Variants in SOAT1 observed in about 807,000 individuals in gnomAD.
SOAT1 encodes the protein sterol O-acyltransferase 1.
In SOAT1, 55 loss-of-function variants were observed where a neutral mutation model predicts 69.5. That is an observed-to-expected ratio of 0.79 (90% CI 0.64 to 0.99). The LOEUF is 0.99. Among genes scored for constraint, SOAT1 ranks in the 50% least tolerant of loss-of-function variants. SOAT1 has a pLI of 0.00. For missense variants in SOAT1, 580 were observed against 669.3 expected (o/e 0.87, Z 1.47); for synonymous variants, 231 against 224.7 (o/e 1.03, Z -0.25).
intron 2 of SOAT1, among the ~76,000 whole-genome samples, chr1:179,312,985 CA>C (rs1665269159): frequency 6.6e-6 from 1 of 152,184 alleles, no homozygotes; most frequent in African/African-American, 2.4e-5. Flanking sequence ...GTCTGATACT[CA>C]GGTCCATTTT....
rs1372505483 is a variant in SOAT1 at position 179,293,856 on chromosome 1, A to G, written c.-89A>G. ...GCGCCAGGAGAGCTTCCCGGAGTCG[A>G]CCTTCCTGCTGGCTGCTCTGTGACC... On this transcript the variant is annotated 5_prime_UTR_variant, in exon 1 of 16. Coordinates refer to ENST00000367619, the MANE Select transcript of SOAT1 (RefSeq NM_003101.6). 6.6e-6 allele frequency: 1 copy of G among 152,420 alleles called. No individual in the cohort carries two copies. Among genetic ancestry groups the G allele is most frequent in the East Asian group, 1.9e-4 (1 of 5,190 alleles). The allele number at this position is 152,420 out of a possible 1,614,324, so 9.4% of individuals were successfully genotyped here. A position where few individuals can be genotyped will look rare whatever the true frequency, so the allele number is the denominator to read the frequency against.
At position 179,343,004 on chromosome 1, in the gene SOAT1, G is replaced by A; in HGVS notation, c.941+61G>A. The A allele has an allele frequency of 9.0e-6, 12 of 1,334,556 alleles. No homozygotes were observed. In the South Asian group the frequency reaches 1.2e-4, roughly 13 times the overall value. The allele number at this position is 1,334,556 out of a possible 1,614,324, so 82.7% of individuals were successfully genotyped here. On this transcript the variant is annotated intron_variant, in intron 9 of 15. Coordinates refer to ENST00000367619, the MANE Select transcript of SOAT1 (RefSeq NM_003101.6). The stretch of plus-strand genomic sequence containing the variant: ...CAAAAGTGTGGCATGAGTGAGGTGG[G>A]ATAGGTAAACAGGGGCCAGTTCATG...
At chr1:179,317,741 G>C (rs2124956575) in intron 2 of SOAT1, among the ~76,000 whole-genome samples, 1 of 150,132 alleles carries the variant, frequency 6.7e-6, no homozygotes, top group Non-Finnish European at 1.5e-5. Context: ...ACTTATCTGT[G>C]TAGGTCTGTG....
chr1:179,325,673 C>T (rs1558047328), intron 3 of SOAT1, among the ~76,000 whole-genome samples: 1 of 152,072 alleles, frequency 6.6e-6, no homozygotes, highest in South Asian at 2.1e-4. Context: ...TATCATTCCT[C>T]TATTTAAAAA....
intron 2 of SOAT1, among the ~76,000 whole-genome samples, chr1:179,322,084 T>C (rs895625035): frequency 1.3e-5 from 2 of 151,948 alleles, no homozygotes; most frequent in Non-Finnish European, 2.9e-5. Flanking sequence ...GGGGTCTTGC[T>C]ATGTTGTCCA....
intron 2 of SOAT1, among the ~76,000 whole-genome samples, chr1:179,309,995 G>A (rs1665166639): frequency 1.3e-5 from 2 of 152,032 alleles, no homozygotes; most frequent in African/African-American, 4.8e-5. Context: ...TGCCTCCCGG[G>A]TTCAAGCAAT....
intron 5 of SOAT1, 30 bp from the exon 6 acceptor site, chr1:179,339,408 T>A: frequency 1.4e-6 from 2 of 1,424,832 alleles, no homozygotes; most frequent in Non-Finnish European, 1.9e-6. Context: ...TATACATTAT[T>A]AACTTGTTTT....
chr1:179,337,871 T>G lies in SOAT1; in HGVS notation c.364T>G (p.Phe122Val). The G allele has an allele frequency of 6.2e-7, 1 of 1,610,502 alleles. No individual in the cohort carries two copies. Among genetic ancestry groups the G allele is most frequent in the Non-Finnish European group, 8.5e-7 (1 of 1,178,316 alleles). ...AGCACCTCCAGAACAAGGAAAGATT[T>G]TTATTGCAAGGCGCTCTCTCTTAGA... Reference protein sequence around the residue: ...LRAPPEQGKIFIARRSLLDEL... With the variant: ...LRAPPEQGKIVIARRSLLDEL... Residue 122 changes from phenylalanine to valine, a missense_variant, in exon 5 of 16, where the codon TTT (phenylalanine) becomes GTT (valine). Transcript: ENST00000367619.
intron 2 of SOAT1, among the ~76,000 whole-genome samples, chr1:179,316,658 G>T (rs1409495479): frequency 1.3e-5 from 2 of 152,230 alleles, no homozygotes; most frequent in Admixed American, 1.3e-4. Flanking sequence ...TTCCCACAGT[G>T]CTGGGATTAC....
rs7548288 is a variant in SOAT1, at chr1:179,357,188, A to G, written c.*3547A>G. 0.67 allele frequency: 105,325 copies of G among 158,006 alleles called. 35,391 individuals carry two copies. The highest frequency in any genetic ancestry group is 0.88 in the East Asian group (4,647 of 5,300). 9.8% of individuals were successfully genotyped at this position (158,006 alleles called of 1,614,324 possible). The stretch of plus-strand genomic sequence containing the variant: ...GGAGGGAACTGGACATAAATGTTTC[A>G]AGGAATAAAGTGAATGTTTTGTTTG... On this transcript the variant is annotated 3_prime_UTR_variant, in exon 16 of 16. Transcript: ENST00000367619.
intron 2 of SOAT1, among the ~76,000 whole-genome samples, chr1:179,310,459 A>C (rs140066093): frequency 1.1e-3 from 162 of 152,256 alleles, no homozygotes; most frequent in Non-Finnish European, 2.0e-3. Flanking sequence ...TCTGGCTCAG[A>C]TTCCATTTTT....
intron 2 of SOAT1, among the ~76,000 whole-genome samples, chr1:179,319,575 T>C (rs1665524335): frequency 6.6e-6 from 1 of 151,916 alleles, no homozygotes; most frequent in African/African-American, 2.4e-5. Flanking sequence ...TGGCGTACTT[T>C]GCCTATGTTT....
At chr1:179,296,685 A>G (rs1351353763) in intron 1 of SOAT1, among the ~76,000 whole-genome samples, 6 of 152,168 alleles carry the variant, frequency 3.9e-5, no homozygotes, top group South Asian at 2.1e-4. Context: ...TGTAAATTCT[A>G]TCCACAGTTG....
At chr1:179,350,556 C>G in intron 14 of SOAT1, 125 bp downstream of exon 14, 1 of 816,240 alleles carries the variant, frequency 1.2e-6, no homozygotes. Context: ...GGTAGTACTT[C>G]TTTATCAGAT....
chr1:179,344,869 T>A lies in SOAT1; in HGVS notation c.988-78T>A, dbSNP rs886348067. On this transcript the variant is annotated intron_variant, in intron 10 of 15. Transcript: ENST00000367619. Reference sequence around the variant, plus strand: ...ATTACTGTAAGGGTCACATCTGTACTTTCTTTTGGAGAGAAAAAAATCGCC... The same window carrying A: ...ATTACTGTAAGGGTCACATCTGTACATTCTTTTGGAGAGAAAAAAATCGCC... The A allele has an allele frequency of 3.5e-6, 5 of 1,416,756 alleles. No individual in the cohort carries two copies. The African/African-American group carries it at 7.1e-5, about 20-fold the overall frequency. The allele number at this position is 1,416,756 out of a possible 1,614,324, so 87.8% of individuals were successfully genotyped here. A position where few individuals can be genotyped will look rare whatever the true frequency, so the allele number is the denominator to read the frequency against.
At chr1:179,352,077 CTT>C (rs80115110) in intron 15 of SOAT1, among the ~76,000 whole-genome samples, 3 of 144,752 alleles carry the variant, frequency 2.1e-5, no homozygotes, top group Admixed American at 1.4e-4. Context: ...TAAAACATAC[CTT>C]TTTTTTTTTT....
At chr1:179,341,865 G>A (rs1666351522) in intron 7 of SOAT1, 1 of 226,272 alleles carries the variant, frequency 4.4e-6, no homozygotes. Context: ...TCAAGATTTT[G>A]TTTCTGAATA....
At chr1:179,351,533 G>A in intron 15 of SOAT1, 71 bp downstream of exon 15, 1 of 1,419,570 alleles carries the variant, frequency 7.0e-7, no homozygotes, top group Non-Finnish European at 9.8e-7. Context: ...GGTGGGCAAT[G>A]TTGAGGAGCA....
chr1:179,343,374 G>T (rs1666409140), intron 9 of SOAT1, among the ~76,000 whole-genome samples: 1 of 148,580 alleles, frequency 6.7e-6, no homozygotes, highest in Admixed American at 6.8e-5. Context: ...ACAGGTGTGT[G>T]CCACCACGCC....
Sources: allele counts gnomAD v4.1 joint callset (sites outside exome capture counted in the v4.1 genomes callset), GRCh38; gene constraint gnomAD v4.1.1; transcripts MANE v1.5; gene names NCBI Gene and HGNC (gene_info 2026-07-23, HGNC 2026-07-21).